SPIDR: variants seen among roughly 807,000 people sequenced by gnomAD.
SPIDR encodes scaffold protein involved in DNA repair, also known as DNA repair-scaffolding protein.
In SPIDR, 93 loss-of-function variants were observed where a neutral mutation model predicts 104.6. The ratio of observed to expected loss-of-function variants is 0.89; its 90% CI spans 0.75 to 1.06. The LOEUF is 1.06. Among genes scored for constraint, SPIDR ranks in the 50% least tolerant of loss-of-function variants. SPIDR has a pLI of 0.00. For missense variants in SPIDR, 1,154 were observed against 1,111.2 expected (o/e 1.04, Z -0.55); for synonymous variants, 431 against 416.9 (o/e 1.03, Z -0.41).
chr8:47,442,745 A>G (rs2069689390), intron 8 of SPIDR, among the ~76,000 whole-genome samples: 1 of 152,138 alleles, frequency 6.6e-6, no homozygotes, highest in South Asian at 2.1e-4. Flanking sequence ...CTCCCTCCTC[A>G]GCTTTTTAAA....
chr8:47,685,257 T>C (rs1020933720), intron 11 of SPIDR, among the ~76,000 whole-genome samples: 10 of 152,008 alleles, frequency 6.6e-5, no homozygotes, highest in African/African-American at 2.4e-4. Flanking sequence ...TCAGCTGATA[T>C]GACAGCATAA....
At chr8:47,489,204 A>G (rs1178069803) in intron 8 of SPIDR, among the ~76,000 whole-genome samples, 5 of 152,238 alleles carry the variant, frequency 3.3e-5, no homozygotes, top group Non-Finnish European at 2.9e-5. Context: ...CTTATACACC[A>G]ATAACAGACA....
In SPIDR at chr8:47,501,258, A is replaced by T. The variant is rs368060060; in HGVS notation, c.1097+60716A>T. Reference sequence around the variant, plus strand: ...CATCATGGCCATTTTCACAATATTGATTCTTCCTATCCATGAGCATGGAAT... The same window carrying T: ...CATCATGGCCATTTTCACAATATTGTTTCTTCCTATCCATGAGCATGGAAT... On this transcript the variant is annotated intron_variant, in intron 8 of 19. Coordinates refer to ENST00000297423, the MANE Select transcript of SPIDR (RefSeq NM_001080394.4). 3.8e-3 allele frequency among the ~76,000 whole-genome samples: 579 copies of T among 152,232 alleles called. 4 individuals carry two copies. Among genetic ancestry groups the T allele is most frequent in the South Asian group, 0.023 (110 of 4,822 alleles).
At chr8:47,268,047 G>T (rs1222660271) in intron 1 of SPIDR, among the ~76,000 whole-genome samples, 1 of 152,056 alleles carries the variant, frequency 6.6e-6, no homozygotes, top group African/African-American at 2.4e-5. Flanking sequence ...CATTCTTTTC[G>T]ATGTGGATAC....
At chr8:47,308,340 G>A (rs2043481324) in intron 5 of SPIDR, among the ~76,000 whole-genome samples, 1 of 151,428 alleles carries the variant, frequency 6.6e-6, no homozygotes, top group African/African-American at 2.4e-5. Flanking sequence ...TGAGATTATA[G>A]GCATGAGCTA....
At chr8:47,362,429 C>T (rs1326463173) in intron 5 of SPIDR, among the ~76,000 whole-genome samples, 1 of 152,122 alleles carries the variant, frequency 6.6e-6, no homozygotes, top group East Asian at 1.9e-4. Context: ...ATGAAGGGCC[C>T]GGACCCAGTG....
chr8:47,715,995 C>G (rs1315382079), intron 16 of SPIDR, among the ~76,000 whole-genome samples: 1 of 132,882 alleles, frequency 7.5e-6, no homozygotes, highest in African/African-American at 2.9e-5. Context: ...GAGACAGAGT[C>G]TGTCTGTCAC....
At chr8:47,578,110 C>T (rs1299431410) in intron 8 of SPIDR, among the ~76,000 whole-genome samples, 1 of 152,190 alleles carries the variant, frequency 6.6e-6, no homozygotes, top group Non-Finnish European at 1.5e-5. Flanking sequence ...TTCAAGACTA[C>T]ACTATGCACT....
chr8:47,277,847 T>G lies in SPIDR; in HGVS notation c.34-2015T>G, dbSNP rs1043465068. Among the ~76,000 whole-genome samples the G allele has an allele frequency of 6.8e-4, 104 of 151,976 alleles. 5 individuals carry two copies. The South Asian group carries it at 0.021, about 31-fold the overall frequency. On this transcript the variant is annotated intron_variant, in intron 1 of 19. Coordinates refer to ENST00000297423, the MANE Select transcript of SPIDR (RefSeq NM_001080394.4). The stretch of plus-strand genomic sequence containing the variant: ...ACACCACCATTCCCGGCTAATTTTT[T>G]GCATTTTTGGTAGAGATAGGTTTTC...
At chr8:47,325,749 G>A (rs2047547390) in intron 5 of SPIDR, among the ~76,000 whole-genome samples, 1 of 152,100 alleles carries the variant, frequency 6.6e-6, no homozygotes. Context: ...GAGAGTGGAG[G>A]ACTCTTCTGG....
chr8:47,374,514 T>A (rs1554641073), intron 5 of SPIDR, among the ~76,000 whole-genome samples: 1 of 152,258 alleles, frequency 6.6e-6, no homozygotes, highest in Non-Finnish European at 1.5e-5. Context: ...TAAATTATTT[T>A]GTCTTGCATA....
intron 16 of SPIDR, among the ~76,000 whole-genome samples, chr8:47,717,101 G>C (rs1356424031): frequency 2.0e-5 from 3 of 152,178 alleles, no homozygotes; most frequent in Non-Finnish European, 4.4e-5. Context: ...CGGCTACAGG[G>C]ACAGGGCATA....
intron 8 of SPIDR, among the ~76,000 whole-genome samples, chr8:47,508,956 A>G (rs1338477708): frequency 6.6e-6 from 1 of 151,718 alleles, no homozygotes; most frequent in African/African-American, 2.4e-5. Context: ...ATATATATGT[A>G]TATAAAATGG....
At chr8:47,291,494 T>C (rs1214729145) in intron 4 of SPIDR, among the ~76,000 whole-genome samples, 1 of 152,200 alleles carries the variant, frequency 6.6e-6, no homozygotes, top group African/African-American at 2.4e-5. Context: ...CAACTGCACC[T>C]TTAGGCATTT....
At chr8:47,394,591 G>A (rs1005960379) in intron 5 of SPIDR, among the ~76,000 whole-genome samples, 3 of 152,194 alleles carry the variant, frequency 2.0e-5, no homozygotes, top group Non-Finnish European at 2.9e-5. Context: ...TTGCACACAC[G>A]TCGGCCCACC....
intron 5 of SPIDR, among the ~76,000 whole-genome samples, chr8:47,343,812 A>T (rs2051270022): frequency 1.3e-5 from 2 of 152,124 alleles, no homozygotes; most frequent in Admixed American, 1.3e-4. Context: ...TCTTAAGAAT[A>T]CAGGGAGGAT....
intron 5 of SPIDR, among the ~76,000 whole-genome samples, chr8:47,298,395 T>G (rs1311417622): frequency 2.6e-5 from 4 of 152,224 alleles, no homozygotes; most frequent in Non-Finnish European, 4.4e-5. Flanking sequence ...TTTCTCCCAT[T>G]CTTTAGGTTG....
chr8:47,382,854 C>A (rs1039370424), intron 5 of SPIDR, among the ~76,000 whole-genome samples: 11 of 152,196 alleles, frequency 7.2e-5, no homozygotes, highest in African/African-American at 2.4e-4. Flanking sequence ...ACCACTTCCC[C>A]CCATTGCATA....
intron 10 of SPIDR, among the ~76,000 whole-genome samples, chr8:47,638,081 T>C (rs935389434): frequency 6.6e-6 from 1 of 152,232 alleles, no homozygotes; most frequent in African/African-American, 2.4e-5. Flanking sequence ...TTATTTCAAT[T>C]GATATCTGTA....
Sources: allele counts gnomAD v4.1 joint callset (sites outside exome capture counted in the v4.1 genomes callset), GRCh38; gene constraint gnomAD v4.1.1; transcripts MANE v1.5; gene names NCBI Gene and HGNC (gene_info 2026-07-23, HGNC 2026-07-21).